Variants in KCNMA1 observed in about 807,000 individuals in gnomAD.
KCNMA1 encodes potassium calcium-activated channel subfamily M alpha 1.
A neutral mutation model predicts 140.0 loss-of-function variants in KCNMA1; 29 were observed. The observed-to-expected ratio is 0.21, with a 90% CI of 0.15 to 0.28. The LOEUF is 0.28. KCNMA1 is among the 10% of genes least tolerant of loss of function. KCNMA1 has a pLI of 1.00. For synonymous variants in KCNMA1, 612 were observed against 611.9 expected (o/e 1.00, Z 0.00); for missense variants, 880 against 1,602.2 (o/e 0.55, Z 7.70).
chr10:77,066,037 C>T (rs1246106586), intron 14 of KCNMA1, among the ~76,000 whole-genome samples: 1 of 152,142 alleles, frequency 6.6e-6, no homozygotes, highest in East Asian at 1.9e-4. Flanking sequence ...AGGGACCTGA[C>T]TGCTTAGGAC....
intron 3 of KCNMA1, among the ~76,000 whole-genome samples, chr10:77,194,489 G>A (rs1177693911): frequency 1.3e-5 from 2 of 152,044 alleles, no homozygotes; most frequent in Non-Finnish European, 2.9e-5. Context: ...TACCTGGATG[G>A]CATGACCCTG....
chr10:77,491,565 A>G (rs1050955898), intron 1 of KCNMA1, among the ~76,000 whole-genome samples: 3 of 152,170 alleles, frequency 2.0e-5, no homozygotes, highest in Non-Finnish European at 4.4e-5. Context: ...AGTGGCTCCA[A>G]TTTGCTGAGG....
chr10:77,319,126 A>G (rs1340156081), intron 2 of KCNMA1, among the ~76,000 whole-genome samples: 1 of 152,222 alleles, frequency 6.6e-6, no homozygotes, highest in Non-Finnish European at 1.5e-5. Context: ...AATAACAGGT[A>G]CATTAACTCA....
chr10:77,206,485 G>A (rs563367373), intron 3 of KCNMA1, among the ~76,000 whole-genome samples: 6 of 152,212 alleles, frequency 3.9e-5, no homozygotes, highest in South Asian at 4.2e-4. Flanking sequence ...AAAGTCATGC[G>A]CCAAACTTCT....
At chr10:77,020,861 T>C (rs2092753705) in intron 16 of KCNMA1, 3 of 152,142 alleles carry the variant, frequency 2.0e-5, no homozygotes, top group Non-Finnish European at 4.4e-5. Context: ...TACCACTTAA[T>C]AGCTGTTTGA....
intron 2 of KCNMA1, among the ~76,000 whole-genome samples, chr10:77,337,672 T>G (rs2089610741): frequency 6.6e-6 from 1 of 152,108 alleles, no homozygotes; most frequent in Non-Finnish European, 1.5e-5. Context: ...GAAAAATCAT[T>G]TATTATAATC....
intron 14 of KCNMA1, among the ~76,000 whole-genome samples, chr10:77,072,423 G>A (rs765366563): frequency 6.6e-6 from 1 of 152,092 alleles, no homozygotes; most frequent in Non-Finnish European, 1.5e-5. Flanking sequence ...GGACAGAGTC[G>A]GTTTTTTTTC....
At chr10:77,387,062 T>C (rs1269655709) in intron 2 of KCNMA1, among the ~76,000 whole-genome samples, 1 of 152,080 alleles carries the variant, frequency 6.6e-6, no homozygotes, top group Non-Finnish European at 1.5e-5. Flanking sequence ...GGCTTTGCAG[T>C]GGGAGGGCTG....
intron 5 of KCNMA1, among the ~76,000 whole-genome samples, chr10:77,168,915 T>A (rs543409183): frequency 2.6e-5 from 4 of 152,330 alleles, no homozygotes; most frequent in Admixed American, 2.6e-4. Flanking sequence ...TCCTATCTTC[T>A]TCATGTCATT....
At chr10:77,117,539 C>CAAAAAAAAAAAAAAAAAAAAAAAAAAA (rs56926398) in intron 6 of KCNMA1, among the ~76,000 whole-genome samples, 32 of 22,504 alleles carry the variant, frequency 1.4e-3, no homozygotes, top group Non-Finnish European at 1.8e-3. Flanking sequence ...GAGTCTATCT[C>CAAAAAAAAAAAAAAAAAAAAAAAAAAA]AAAAAAAAAA....
intron 2 of KCNMA1, among the ~76,000 whole-genome samples, chr10:77,278,312 T>C (rs1241397091): frequency 6.6e-6 from 1 of 152,226 alleles, no homozygotes; most frequent in African/African-American, 2.4e-5. Flanking sequence ...TCAGACCATT[T>C]AACCATTTCC....
chr10:77,036,370 C>A (rs2094333802), intron 15 of KCNMA1, among the ~76,000 whole-genome samples: 1 of 152,230 alleles, frequency 6.6e-6, no homozygotes, highest in Non-Finnish European at 1.5e-5. Flanking sequence ...TTCACCCCTA[C>A]ATCCTGCTCC....
chr10:77,503,940 G>T (rs762961365), intron 1 of KCNMA1, among the ~76,000 whole-genome samples: 45 of 152,288 alleles, frequency 3.0e-4, no homozygotes, highest in Non-Finnish European at 1.5e-4. Context: ...CAGGCACTGA[G>T]GGAGGGAACA....
chr10:77,198,787 A>G (rs889010825), intron 3 of KCNMA1, among the ~76,000 whole-genome samples: 4 of 151,944 alleles, frequency 2.6e-5, no homozygotes, highest in African/African-American at 9.7e-5. Flanking sequence ...CATTGAACAC[A>G]ACTCAAAAAA....
chr10:77,086,262 C>T (rs1334113013), intron 11 of KCNMA1, among the ~76,000 whole-genome samples: 5 of 152,052 alleles, frequency 3.3e-5, no homozygotes, highest in African/African-American at 9.7e-5. Flanking sequence ...ATGACCAGTC[C>T]AAGTGTGGGA....
chr10:77,331,883 A>G (rs935014447), intron 2 of KCNMA1, among the ~76,000 whole-genome samples: 3 of 152,148 alleles, frequency 2.0e-5, no homozygotes, highest in Non-Finnish European at 4.4e-5. Flanking sequence ...GGAGCACTGC[A>G]AAGCCTTAAA....
rs535571320 is a variant in KCNMA1, at chr10:77,073,271, G to GT, written c.1594-20dup. 536 of 1,613,392 alleles carry GT rather than the reference G, an allele frequency of 3.3e-4. 4 individuals carry two copies. In the South Asian group the frequency reaches 5.5e-3, roughly 17 times the overall value. ...GATGGGCCTGGGGAAAGAAAAGCAG[G>GT]TATGAGACCTTGCTCTGTTAAATGT... On this transcript the variant is annotated intron_variant, in intron 13 of 27. Transcript: ENST00000286628.
At position 76,969,863 on chromosome 10, in the gene KCNMA1, C is replaced by G; in HGVS notation, c.2360+111G>C. The G allele has an allele frequency of 4.9e-6, 4 of 815,174 alleles. No individual in the cohort carries two copies. In the South Asian group the frequency reaches 5.5e-5, roughly 11 times the overall value. The allele number at this position is 815,174 out of a possible 1,614,324, so 50.5% of individuals were successfully genotyped here. ...TAACGATCTCGCTCCCCTCCCCCACCCCGGGCTTGCTGGGGAGGGGAGACT... is the reference window on the plus strand; with the variant it reads ...TAACGATCTCGCTCCCCTCCCCCACGCCGGGCTTGCTGGGGAGGGGAGACT... On this transcript the variant is annotated intron_variant, in intron 20 of 27. Transcript: ENST00000286628.
At chr10:77,073,755 T>C (rs2096290849) in intron 13 of KCNMA1, among the ~76,000 whole-genome samples, 1 of 152,120 alleles carries the variant, frequency 6.6e-6, no homozygotes, top group Non-Finnish European at 1.5e-5. Flanking sequence ...TCTGATTCAG[T>C]AGATCTGGGG....
Sources: allele counts gnomAD v4.1 joint callset (sites outside exome capture counted in the v4.1 genomes callset), GRCh38; gene constraint gnomAD v4.1.1; transcripts MANE v1.5; gene names NCBI Gene and HGNC (gene_info 2026-07-23, HGNC 2026-07-21).